Variants in DCLK2 observed in about 807,000 individuals in gnomAD.
The protein encoded by DCLK2 is serine/threonine-protein kinase DCLK2.
In DCLK2, 31 loss-of-function variants were observed where a neutral mutation model predicts 78.4. The observed-to-expected ratio is 0.40, with a 90% CI of 0.30 to 0.53. DCLK2 has a LOEUF of 0.53. Ranked by LOEUF, DCLK2 falls within the 20% of genes least tolerant of loss-of-function variation. DCLK2 has a pLI of 0.61. For synonymous variants in DCLK2, 407 were observed against 374.9 expected (o/e 1.09, Z -0.99); for missense variants, 872 against 973.7 (o/e 0.90, Z 1.39).
At chr4:150,080,867 G>A (rs1729212149) in intron 1 of DCLK2, among the ~76,000 whole-genome samples, 1 of 152,178 alleles carries the variant, frequency 6.6e-6, no homozygotes, top group Non-Finnish European at 1.5e-5. Context: ...ATATGTATGT[G>A]CTTGTGACTT....
chr4:150,241,250 G>A (rs1317723144), intron 12 of DCLK2, among the ~76,000 whole-genome samples: 1 of 152,162 alleles, frequency 6.6e-6, no homozygotes, highest in African/African-American at 2.4e-5. Flanking sequence ...AGTGAGTCTT[G>A]GTAACCATTT....
At chr4:150,107,632 T>C (rs1731363532) in intron 2 of DCLK2, among the ~76,000 whole-genome samples, 1 of 152,140 alleles carries the variant, frequency 6.6e-6, no homozygotes, top group East Asian at 1.9e-4. Flanking sequence ...TACCTTGGCC[T>C]CTGAAAGTAC....
chr4:150,083,618 A>G (rs1180639665), intron 1 of DCLK2, among the ~76,000 whole-genome samples: 3 of 152,254 alleles, frequency 2.0e-5, no homozygotes, highest in Non-Finnish European at 4.4e-5. Flanking sequence ...CCTGAAAAAT[A>G]AATTTTATAA....
chr4:150,216,998 G>A (rs144071841), intron 5 of DCLK2, among the ~76,000 whole-genome samples: 4 of 152,286 alleles, frequency 2.6e-5, no homozygotes, highest in South Asian at 4.1e-4. Flanking sequence ...CACTTTCTTT[G>A]TGCTGTCTCA....
At chr4:150,247,421 G>T (rs978067615) in intron 12 of DCLK2, among the ~76,000 whole-genome samples, 182 bp from the exon 13 acceptor site, 8 of 152,052 alleles carry the variant, frequency 5.3e-5, no homozygotes, top group Non-Finnish European at 1.2e-4. Context: ...ATGTTCTTTG[G>T]CTCATTATCT....
chr4:150,132,583 T>A (rs1733393702), intron 2 of DCLK2, among the ~76,000 whole-genome samples: 1 of 147,284 alleles, frequency 6.8e-6, no homozygotes, highest in Admixed American at 6.8e-5. Flanking sequence ...AAGAGCCTTT[T>A]GTTCACAACT....
intron 2 of DCLK2, among the ~76,000 whole-genome samples, chr4:150,151,178 C>G (rs1320351873): frequency 6.6e-6 from 1 of 152,222 alleles, no homozygotes; most frequent in East Asian, 1.9e-4. Context: ...TTTCTCATCC[C>G]TCCCACATCA....
At chr4:150,204,469 C>CT (rs1322526249) in intron 5 of DCLK2, among the ~76,000 whole-genome samples, 3 of 152,102 alleles carry the variant, frequency 2.0e-5, no homozygotes, top group Non-Finnish European at 1.5e-5. Flanking sequence ...AGACAGTTAT[C>CT]TAATAGAGAT....
At chr4:150,135,884 A>G (rs545893504) in intron 2 of DCLK2, among the ~76,000 whole-genome samples, 6 of 152,328 alleles carry the variant, frequency 3.9e-5, no homozygotes, top group African/African-American at 1.4e-4. Context: ...TTGCTTATGG[A>G]AGCAGCTTTG....
At chr4:150,168,788 G>T (rs1411289394) in intron 2 of DCLK2, among the ~76,000 whole-genome samples, 1 of 152,184 alleles carries the variant, frequency 6.6e-6, no homozygotes, top group African/African-American at 2.4e-5. Context: ...GAGTGCTCCA[G>T]ACATGGCCAA....
At chr4:150,134,840 G>C (rs908325620) in intron 2 of DCLK2, among the ~76,000 whole-genome samples, 2 of 151,928 alleles carry the variant, frequency 1.3e-5, no homozygotes, top group Non-Finnish European at 2.9e-5. Context: ...GTTGTTGTTT[G>C]TTTGTTTTTT....
intron 5 of DCLK2, among the ~76,000 whole-genome samples, chr4:150,211,477 T>C (rs747687188): frequency 1.3e-5 from 2 of 152,154 alleles, no homozygotes; most frequent in East Asian, 1.9e-4. Context: ...GAGCTGGGGC[T>C]CATGAGGGCT....
chr4:150,217,799 T>G (rs867849555), intron 5 of DCLK2, among the ~76,000 whole-genome samples: 39 of 152,348 alleles, frequency 2.6e-4, no homozygotes, highest in African/African-American at 7.2e-4. Flanking sequence ...AAGGCTTATT[T>G]TCAAATAAAC....
intron 1 of DCLK2, among the ~76,000 whole-genome samples, chr4:150,086,377 T>C (rs925835359): frequency 2.6e-5 from 4 of 152,214 alleles, no homozygotes; most frequent in Admixed American, 2.6e-4. Context: ...TTTTTTAATA[T>C]ATTTTTCTTC....
intron 10 of DCLK2, among the ~76,000 whole-genome samples, chr4:150,233,676 C>G (rs1742250654): frequency 6.6e-6 from 1 of 152,080 alleles, no homozygotes. Context: ...TATTATTCTA[C>G]AGAATAAAAA....
At chr4:150,230,255 A>G (rs1741938315) in intron 8 of DCLK2, among the ~76,000 whole-genome samples, 1 of 152,182 alleles carries the variant, frequency 6.6e-6, no homozygotes, top group Non-Finnish European at 1.5e-5. Context: ...ATCCCAGAAG[A>G]CCTTCTGTTG....
intron 2 of DCLK2, among the ~76,000 whole-genome samples, chr4:150,154,845 A>G (rs1735151683): frequency 6.6e-6 from 1 of 152,230 alleles, no homozygotes. Context: ...TGACAAGTGT[A>G]TAGTCATGTG....
At chr4:150,087,102 G>A (rs916054102) in intron 1 of DCLK2, among the ~76,000 whole-genome samples, 2 of 152,080 alleles carry the variant, frequency 1.3e-5, no homozygotes, top group African/African-American at 4.8e-5. Flanking sequence ...GGGATATTTT[G>A]TCCTATTTGC....
chr4:150,230,238 A>G (rs1161199013), intron 8 of DCLK2, among the ~76,000 whole-genome samples: 3 of 152,218 alleles, frequency 2.0e-5, no homozygotes, highest in Non-Finnish European at 4.4e-5. Flanking sequence ...GAGAAGTTCC[A>G]CAATGTATCC....
Sources: allele counts gnomAD v4.1 joint callset (sites outside exome capture counted in the v4.1 genomes callset), GRCh38; gene constraint gnomAD v4.1.1; transcripts MANE v1.5; gene names NCBI Gene and HGNC (gene_info 2026-07-23, HGNC 2026-07-21).